The following PEAK1 variants were observed in gnomAD, a reference collection of about 807,000 sequenced individuals.
PEAK1 encodes inactive tyrosine-protein kinase PEAK1.
Under a neutral mutation model 124.7 loss-of-function variants are expected in PEAK1, and 54 were observed. The ratio of observed to expected loss-of-function variants is 0.43; its 90% confidence interval spans 0.35 to 0.54. The LOEUF is 0.54. PEAK1 is among the 20% of genes least tolerant of loss of function. PEAK1 has a pLI of 0.01. For synonymous variants in PEAK1, 719 were observed against 760.0 expected, an observed-to-expected ratio of 0.95 and a Z score of 0.89; for missense variants, 2,046 against 2,134.5, an observed-to-expected ratio of 0.96 and a Z score of 0.82.
At chr15:77,420,321 G>A (rs980687273), upstream of PEAK1, 1 of 151,760 alleles carries the variant, frequency 6.6e-6, no homozygotes, top group African/African-American at 2.4e-5. Flanking sequence ...CCCAGCGGGA[G>A]GAGTCACCGC....
chr15:77,170,035 A>C (rs979406076), intron 7 of PEAK1, among the ~76,000 whole-genome samples: 2 of 152,316 alleles, frequency 1.3e-5, no homozygotes, highest in Admixed American at 6.5e-5. Context: ...TTATAGTTTT[A>C]AAATTTTTGA....
At chr15:77,178,181 A>G (rs962881799) in intron 7 of PEAK1, 1 of 152,512 alleles carries the variant, frequency 6.6e-6, no homozygotes, top group Non-Finnish European at 1.5e-5. Flanking sequence ...ACTGAATATT[A>G]TACTACTGGG....
rs575033041 is a variant in PEAK1, at chr15:77,141,146, C to T, written c.3332-7396G>A. On this transcript the variant is annotated intron_variant, in intron 8 of 9. Transcript: ENST00000682557. The stretch of plus-strand genomic sequence containing the variant: ...TAATCGTGTATATTGAGAAGCGTAG[C>T]GAATCCACACACAAAAAAACTATTA... Among the ~76,000 whole-genome samples, 203 of 152,196 alleles carry T rather than the reference C, an allele frequency of 1.3e-3. 2 individuals carry two copies. The highest frequency in any genetic ancestry group is 4.4e-3 in the African/African-American group (184 of 41,538).
rs767897636 is a variant in PEAK1 at position 77,179,459 on chromosome 15, G to C, written c.2468C>G (p.Ser823Cys). The change falls in exon 7 of 10, where the codon TCT becomes TGT. Residue 823 changes from serine (S) to cysteine (C), a missense_variant. Physicochemically the swap from Ser to Cys is moderately radical, Grantham distance 112. Coordinates refer to ENST00000682557, the MANE Select transcript of PEAK1 (RefSeq NM_001385026.1). Reference protein sequence around the residue: ...TPVRPKSLFTSQPSGEAEAPQ... With the variant: ...TPVRPKSLFTCQPSGEAEAPQ... ...TGCTTCAGCCTCACCACTAGGCTGAGATGTAAAGAGAGATTTGGGCCGGAC... is the reference window on the plus strand; with the variant it reads ...TGCTTCAGCCTCACCACTAGGCTGACATGTAAAGAGAGATTTGGGCCGGAC... The C allele has an allele frequency of 6.2e-7, 1 of 1,614,148 alleles. No individual in the cohort carries two copies. The highest frequency in any genetic ancestry group is 8.5e-7 in the Non-Finnish European group (1 of 1,180,004).
chr15:77,185,555 C>T (rs147417487), intron 6 of PEAK1, among the ~76,000 whole-genome samples: 22 of 152,258 alleles, frequency 1.4e-4, no homozygotes, highest in African/African-American at 4.8e-4. Context: ...GCCCATTGGA[C>T]TTGGCAACAT....
chr15:77,348,039 TATCAA>T, intron 2 of PEAK1: 1 of 985,356 alleles, frequency 1.0e-6, no homozygotes, highest in Non-Finnish European at 1.2e-6. Context: ...TGCACATGGC[TATCAA>T]ATATATGCAC....
chr15:77,342,405 C>CTT (rs35640042), intron 2 of PEAK1, among the ~76,000 whole-genome samples: 29 of 114,362 alleles, frequency 2.5e-4, no homozygotes, highest in Non-Finnish European at 3.4e-4. Flanking sequence ...TACAGCATGT[C>CTT]TTTTTTTTTT....
Position 77,133,735 on chromosome 15 carries a change from G to A in PEAK1, c.3347C>T (p.Ala1116Val). 5 of 1,604,322 alleles carry A rather than the reference G, an allele frequency of 3.1e-6. No homozygotes were observed. Among genetic ancestry groups the A allele is most frequent in the Non-Finnish European group, 4.3e-6 (5 of 1,176,206 alleles). ...TYSNLGQSRA[A>V]MIPPKQPRQP... is the part of the protein sequence containing the mutation. ...TCGTGGCTGCTTGGGAGGTATCATG[G>A]CTGCTCTAGATTGCCCTGTATTGTT... is the stretch of plus-strand genomic sequence containing the variant. The change falls in exon 9 of 10, where the codon GCC becomes GTC. Residue 1116 changes from alanine to valine, a missense_variant. Transcript: ENST00000682557. This position sits in a 1 kb window ranked among gnomAD's most constrained non-coding sequence, Gnocchi z 4.2.
At chr15:77,371,668 A>C (rs1376727542) in intron 1 of PEAK1, among the ~76,000 whole-genome samples, 2 of 152,198 alleles carry the variant, frequency 1.3e-5, no homozygotes, top group African/African-American at 4.8e-5. Context: ...CGGGAGGATC[A>C]CTCGAGGTCC....
rs2063263254 is a variant in PEAK1 at position 77,292,316 on chromosome 15, A to ATATT, written c.-602-5816_-602-5813dup. ...TGTTTAAAGACACCTTACTTAATATATATTTACTCATTAACACTGAAATCA... is the reference window on the plus strand; with the variant it reads ...TGTTTAAAGACACCTTACTTAATATATATTTATTTACTCATTAACACTGAAATCA... On this transcript the variant is annotated intron_variant, in intron 2 of 9. Coordinates refer to ENST00000682557, the MANE Select transcript of PEAK1 (RefSeq NM_001385026.1). Among the ~76,000 whole-genome samples the ATATT allele has an allele frequency of 2.0e-5, 3 of 152,170 alleles. No individual in the cohort carries two copies. In the East Asian group the frequency reaches 5.8e-4, roughly 29 times the overall value.
intron 3 of PEAK1, among the ~76,000 whole-genome samples, chr15:77,286,022 T>C (rs538579211): frequency 6.6e-6 from 1 of 152,230 alleles, no homozygotes; most frequent in Non-Finnish European, 1.5e-5. Flanking sequence ...ATACACTGCT[T>C]TAAATGTGTC....
chr15:77,150,208 A>G (rs955481452), intron 8 of PEAK1, among the ~76,000 whole-genome samples: 1 of 152,166 alleles, frequency 6.6e-6, no homozygotes, highest in African/African-American at 2.4e-5. Flanking sequence ...TTTTTAAAAA[A>G]AGGAAAACAG....
chr15:77,418,290 T>C (rs2073054654), intron 1 of PEAK1: 1 of 985,044 alleles, frequency 1.0e-6, no homozygotes, highest in South Asian at 4.7e-5. Flanking sequence ...AGATGGGGGG[T>C]AGTGAGGGAA....
chr15:77,261,867 G>A (rs955426559), intron 5 of PEAK1, among the ~76,000 whole-genome samples: 8 of 152,008 alleles, frequency 5.3e-5, no homozygotes, highest in East Asian at 1.9e-4. Flanking sequence ...GAGAAAGGTC[G>A]GGTTACCCAC....
chr15:77,375,746 A>G (rs1328063653), intron 1 of PEAK1, among the ~76,000 whole-genome samples: 3 of 152,208 alleles, frequency 2.0e-5, no homozygotes, highest in African/African-American at 7.2e-5. Context: ...CTGTAATCCC[A>G]GCACTTTGGG....
At position 77,380,189 on chromosome 15, in the gene PEAK1, G is replaced by T. The variant is rs78658814; in HGVS notation, c.-665-14964C>A. ...CCAAAAGCAAATCAATACTGGCCTG[G>T]GAGCTAGAATCGGTCAATAGCATGA... is the stretch of plus-strand genomic sequence containing the variant. On this transcript the variant is annotated intron_variant, in intron 1 of 9. Transcript: ENST00000682557. Among the ~76,000 whole-genome samples the T allele has an allele frequency of 3.2e-4, 48 of 152,090 alleles. No homozygotes were observed. The East Asian group carries it at 9.3e-3, about 29-fold the overall frequency.
chr15:77,402,286 C>T (rs973620487), intron 1 of PEAK1: 4 of 984,670 alleles, frequency 4.1e-6, no homozygotes, highest in Non-Finnish European at 4.8e-6. Context: ...AATAGAATTG[C>T]TTTAAAATGC....
chr15:77,175,050 T>G (rs546317799), intron 7 of PEAK1, among the ~76,000 whole-genome samples: 2 of 151,868 alleles, frequency 1.3e-5, no homozygotes, highest in Non-Finnish European at 2.9e-5. Flanking sequence ...GCTAGCCATA[T>G]GTAGAAAGCT....
chr15:77,408,443 G>A (rs2072113966), intron 1 of PEAK1, among the ~76,000 whole-genome samples: 1 of 151,890 alleles, frequency 6.6e-6, no homozygotes, highest in Non-Finnish European at 1.5e-5. Context: ...TACACTGCTT[G>A]GCGATGGGTG....
Sources: allele counts gnomAD v4.1 joint callset (sites outside exome capture counted in the v4.1 genomes callset), GRCh38; gene constraint gnomAD v4.1.1; non-coding constraint Gnocchi (gnomAD v3.1); transcripts MANE v1.5; gene names NCBI Gene and HGNC (gene_info 2026-07-23, HGNC 2026-07-21).